Variants in PRDM8 observed in about 807,000 individuals in gnomAD.
The protein encoded by PRDM8 is PR/SET domain 8.
Under a neutral mutation model 46.5 loss-of-function variants are expected in PRDM8, and 13 were observed. That is an observed-to-expected ratio of 0.28 (90% CI 0.18 to 0.44). The LOEUF (loss-of-function observed/expected upper bound fraction) is 0.44, where lower values mean the gene tolerates loss of function less well. PRDM8 is among the 20% of genes least tolerant of loss of function. The pLI, the probability that PRDM8 is intolerant of heterozygous loss-of-function variation, is 1.00. For missense variants in PRDM8, 998 were observed against 955.0 expected, an observed-to-expected ratio of 1.04 and a Z score of -0.59; for synonymous variants, 473 against 438.4, an observed-to-expected ratio of 1.08 and a Z score of -0.98.
chr4:80,197,447 G>A (rs1738048367), upstream of PRDM8: 1 of 985,808 alleles, frequency 1.0e-6, no homozygotes, highest in Non-Finnish European at 1.2e-6. Context: ...GGGCTGTCAC[G>A]CGTCATTGGG....
upstream of PRDM8, among the ~76,000 whole-genome samples, chr4:80,195,077 C>T (rs528247149): frequency 6.6e-5 from 10 of 152,190 alleles, no homozygotes; most frequent in South Asian, 2.1e-4. Flanking sequence ...TACATATTTA[C>T]AATATGTAAG....
At chr4:80,194,715 T>A (rs1214783714), upstream of PRDM8, among the ~76,000 whole-genome samples, 1 of 152,198 alleles carries the variant, frequency 6.6e-6, no homozygotes, top group Admixed American at 6.5e-5. Context: ...TGAGAAATTC[T>A]TATATTTAAG....
At chr4:80,199,527 G>A (rs903071951) in intron 1 of PRDM8, among the ~76,000 whole-genome samples, 2 of 151,946 alleles carry the variant, frequency 1.3e-5, no homozygotes, top group Non-Finnish European at 2.9e-5. Context: ...GCCATGCTCC[G>A]CTGTCTCCGC....
chr4:80,195,902 T>TACACACACACACACAC (rs71662895), upstream of PRDM8: 3 of 149,082 alleles, frequency 2.0e-5, no homozygotes, highest in African/African-American at 1.0e-4. Flanking sequence ...GAGAAGGAAA[T>TACACACACACACACAC]ACACACACAC....
At chr4:80,190,354 G>T (rs1202067268) in intron 1 of PRDM8, among the ~76,000 whole-genome samples, 1 of 152,212 alleles carries the variant, frequency 6.6e-6, no homozygotes, top group Non-Finnish European at 1.5e-5. Flanking sequence ...TCCCTGCTTC[G>T]CCCAGGGCTC....
chr4:80,192,293 A>C (rs892311409), intron 2 of PRDM8, among the ~76,000 whole-genome samples: 1 of 152,174 alleles, frequency 6.6e-6, no homozygotes, highest in African/African-American at 2.4e-5. Flanking sequence ...TCTTTATTTA[A>C]CTCAGGAATT....
chr4:80,185,591 G>A (rs904871681), intron 1 of PRDM8: 6 of 152,274 alleles, frequency 3.9e-5, no homozygotes, highest in Non-Finnish European at 8.8e-5. Flanking sequence ...GTTGGGAGCT[G>A]GAGTGGGAAC....
At chr4:80,195,223 C>T (rs778488145), upstream of PRDM8, among the ~76,000 whole-genome samples, 2 of 152,182 alleles carry the variant, frequency 1.3e-5, no homozygotes, top group Non-Finnish European at 2.9e-5. Flanking sequence ...TTAAACACTG[C>T]TCCTCACACA....
chr4:80,203,618 C>A lies in PRDM8; in HGVS notation c.*86C>A. ...AAACACGCGAGAACATCCACCGCTTCCTTGCACCCCGAAACCCTGCACAAA... is the reference window on the plus strand; with the variant it reads ...AAACACGCGAGAACATCCACCGCTTACTTGCACCCCGAAACCCTGCACAAA... On this transcript the variant is annotated 3_prime_UTR_variant, in exon 4 of 4. Transcript: ENST00000415738. 6.8e-7 allele frequency: 1 copy of A among 1,478,120 alleles called. No individual in the cohort carries two copies. The highest frequency in any genetic ancestry group is 9.0e-7 in the Non-Finnish European group (1 of 1,112,654). 91.6% of individuals were successfully genotyped at this position (1,478,120 alleles called of 1,614,324 possible).
upstream of PRDM8, among the ~76,000 whole-genome samples, chr4:80,194,651 G>C (rs1475162472): frequency 6.6e-6 from 1 of 152,058 alleles, no homozygotes; most frequent in Admixed American, 6.5e-5. Context: ...ATATTGTTTT[G>C]TTATGTCAGT....
chr4:80,197,099 C>A (rs541463628), upstream of PRDM8: 17 of 985,496 alleles, frequency 1.7e-5, no homozygotes, highest in South Asian at 8.0e-4. Flanking sequence ...CTCCCTTTCA[C>A]GGAACGCGGA....
intron 1 of PRDM8, among the ~76,000 whole-genome samples, chr4:80,186,456 A>AGAGAGAGAGAGAGAGAGAGAG (rs1553902893): frequency 1.3e-5 from 2 of 148,754 alleles, no homozygotes; most frequent in African/African-American, 2.5e-5. Context: ...AGAGAGAGAG[A>AGAGAGAGAGAGAGAGAGAGAG]TTGATTGTCA....
rs766926830 is a variant in PRDM8 at position 80,202,923 on chromosome 4, C to A, written c.1461C>A (p.Gly487=). The A allele has an allele frequency of 1.4e-6, 2 of 1,382,032 alleles. No individual in the cohort carries two copies. The highest frequency in any genetic ancestry group is 3.0e-5 in the African/African-American group (2 of 66,136). The allele number at this position is 1,382,032 out of a possible 1,614,324, so 85.6% of individuals were successfully genotyped here. A position where few individuals can be genotyped will look rare whatever the true frequency, so the allele number is the denominator to read the frequency against. The change falls in exon 4 of 4, where the codon GGC becomes GGA. Residue 487 remains glycine, a synonymous_variant. Coordinates refer to ENST00000415738, the MANE Select transcript of PRDM8 (RefSeq NM_001099403.2). ...GTGAGAAGGA[G]GGQGAASDER... is the part of the protein sequence containing the mutation. Reference sequence around the variant, plus strand: ...GCGCCGGGGCCGCAGGCGGCGCGGGCGGGGGCCAGGGCGCCGCGTCGGACG... The same window carrying A: ...GCGCCGGGGCCGCAGGCGGCGCGGGAGGGGGCCAGGGCGCCGCGTCGGACG...
rs535076882 is a variant in PRDM8 at position 80,199,711 on chromosome 4, G to A, written c.-2-368G>A. On this transcript the variant is annotated intron_variant, in intron 1 of 3. Transcript: ENST00000415738. ...TATATATATGTATATATATATATAT[G>A]TGTGTGTGTGTGTGTGTGTGTGTGT... 1.9e-3 allele frequency among the ~76,000 whole-genome samples: 222 copies of A among 116,066 alleles called. 1 individual carries two copies. The highest frequency in any genetic ancestry group is 4.0e-3 in the East Asian group (15 of 3,714). The allele number at this position is 116,066 out of a possible 152,430, so 76.1% of individuals were successfully genotyped here.
chr4:80,201,875 T>TGC (rs752639357), intron 3 of PRDM8, 39 bp from the exon 4 acceptor site: 3 of 1,488,470 alleles, frequency 2.0e-6, no homozygotes, highest in Non-Finnish European at 2.7e-6. Flanking sequence ...TGTGTGTGTG[T>TGC]GCGTGCGTGC....
rs1738670567 is a variant in PRDM8 at position 80,203,025 on chromosome 4, C to G, written c.1563C>G (p.Gly521=). 6.5e-7 allele frequency: 1 copy of G among 1,531,628 alleles called. No homozygotes were observed. The highest frequency in any genetic ancestry group is 2.6e-5 in the East Asian group (1 of 38,982). The allele number at this position is 1,531,628 out of a possible 1,614,324, so 94.9% of individuals were successfully genotyped here. The part of the protein sequence containing the change: ...LSPLVLGQKL[G]ALEPCHPADG... ...CGCTGGTGCTGGGCCAGAAGCTGGG[C>G]GCGCTCGAGCCATGCCACCCCGCCG... Residue 521 remains glycine (G), a synonymous_variant, in exon 4 of 4, where the codon GGC becomes GGG. Coordinates refer to ENST00000415738, the MANE Select transcript of PRDM8 (RefSeq NM_001099403.2).
chr4:80,200,444 A>G (rs1451317364), intron 2 of PRDM8, 145 bp downstream of exon 2: 6 of 720,368 alleles, frequency 8.3e-6, no homozygotes, highest in East Asian at 8.0e-5. Context: ...CACATCAAAA[A>G]TTAGAAAAGG....
intron 1 of PRDM8, among the ~76,000 whole-genome samples, chr4:80,190,449 C>T (rs1053506837): frequency 3.3e-5 from 5 of 152,224 alleles, no homozygotes; most frequent in Admixed American, 2.6e-4. Flanking sequence ...AGGGCGACGC[C>T]GGGCAGACGA....
chr4:80,196,574 T>C, upstream of PRDM8: 1 of 985,362 alleles, frequency 1.0e-6, no homozygotes. Flanking sequence ...ACCCGCTGGA[T>C]GTGAAAAGCT....
Sources: allele counts gnomAD v4.1 joint callset (sites outside exome capture counted in the v4.1 genomes callset), GRCh38; gene constraint gnomAD v4.1.1; transcripts MANE v1.5; gene names NCBI Gene and HGNC (gene_info 2026-07-23, HGNC 2026-07-21).